The following EVL variants were observed in gnomAD, a reference collection of about 807,000 sequenced individuals.
EVL encodes the protein ena/VASP-like protein.
In EVL, 21 loss-of-function variants were observed where a neutral mutation model predicts 59.6. The ratio of observed to expected loss-of-function variants is 0.35; its 90% CI spans 0.25 to 0.51. The LOEUF is 0.51. Among genes scored for constraint, EVL ranks in the 20% least tolerant of loss-of-function variants. EVL has a pLI of 0.97. For synonymous variants in EVL, 198 were observed against 203.5 expected (o/e 0.97, Z 0.23); for missense variants, 462 against 546.6 (o/e 0.85, Z 1.54).
rs1379774654 is a variant in EVL, at chr14:100,047,114, C to CTTTTTTTTTTTTTTTTTTTTTTTTTTT, written c.6-37572_6-37571insTTTTTTTTTTTTTTTTTTTTTTTTTTT. Reference sequence around the variant, plus strand: ...ATTTTGAGACCTTGGGCAGATCTCTCTCTCTTTTTTTTTTTTTTTTTTTTT... The same window carrying CTTTTTTTTTTTTTTTTTTTTTTTTTTT: ...ATTTTGAGACCTTGGGCAGATCTCTCTTTTTTTTTTTTTTTTTTTTTTTTTTTTCTCTTTTTTTTTTTTTTTTTTTTT... On this transcript the variant is annotated intron_variant, in intron 1 of 13. Transcript: ENST00000402714. Among the ~76,000 whole-genome samples the CTTTTTTTTTTTTTTTTTTTTTTTTTTT allele has an allele frequency of 2.2e-4, 21 of 95,110 alleles. 4 individuals are homozygous for CTTTTTTTTTTTTTTTTTTTTTTTTTTT. Among genetic ancestry groups the CTTTTTTTTTTTTTTTTTTTTTTTTTTT allele is most frequent in the Middle Eastern group, 6.7e-3 (1 of 150 alleles). The allele number at this position is 95,110 out of a possible 152,430, so 62.4% of individuals were successfully genotyped here.
Position 100,046,540 on chromosome 14 carries a change from GC to G in EVL, c.6-38145del, listed in dbSNP as rs544287365. On this transcript the variant is annotated intron_variant, in intron 1 of 13. Coordinates refer to the EVL transcript ENST00000402714. ...AAATCAGCTGCACGTGTTGGCGCTTGCCTGTAATCCCAGCTACTCGGGAGTC... is the reference window on the plus strand; with the variant it reads ...AAATCAGCTGCACGTGTTGGCGCTTGCTGTAATCCCAGCTACTCGGGAGTC... Among the ~76,000 whole-genome samples the G allele has an allele frequency of 4.0e-3, 605 of 152,042 alleles. 3 individuals carry two copies. The highest frequency in any genetic ancestry group is 9.6e-3 in the Admixed American group (147 of 15,270).
In EVL at chr14:100,127,510, C is replaced by T. The variant is rs531105450; in HGVS notation, c.487+739C>T. Among the ~76,000 whole-genome samples, 1 of 152,302 alleles carries T rather than the reference C, an allele frequency of 6.6e-6. No individual in the cohort carries two copies. The highest frequency in any genetic ancestry group is 1.9e-4 in the East Asian group (1 of 5,174). On this transcript the variant is annotated intron_variant, in intron 5 of 13. Transcript: ENST00000392920. This position sits in a 1 kb window ranked among gnomAD's most constrained non-coding sequence, Gnocchi z 4.2. The stretch of plus-strand genomic sequence containing the variant: ...ACCTAGCTGCTGCTGGCCTCCTGCT[C>T]CCCGGCCAGTCTGCATTTCTGATGC...
At chr14:100,074,050 G>C (rs2062108642) in intron 1 of EVL, among the ~76,000 whole-genome samples, 1 of 152,142 alleles carries the variant, frequency 6.6e-6, no homozygotes, top group Non-Finnish European at 1.5e-5. Flanking sequence ...GTAGAGGCTA[G>C]AGGAAAGCAC....
At chr14:100,060,106 G>A (rs1320780167) in intron 1 of EVL, among the ~76,000 whole-genome samples, 7 of 152,194 alleles carry the variant, frequency 4.6e-5, no homozygotes, top group Admixed American at 4.6e-4. Context: ...GAACAAACAG[G>A]AAATCCCAAA....
intron 3 of EVL, among the ~76,000 whole-genome samples, chr14:100,119,553 G>C (rs1387456612): frequency 6.6e-6 from 1 of 152,268 alleles, no homozygotes; most frequent in Non-Finnish European, 1.5e-5. Flanking sequence ...GACCACACCA[G>C]CAAGGCTTGG....
At chr14:100,055,196 TA>T (rs34987173) in intron 1 of EVL, among the ~76,000 whole-genome samples, 2,500 of 139,636 alleles carry the variant, frequency 0.018, 55 homozygotes, top group African/African-American at 0.05. Flanking sequence ...TGAGACTCCT[TA>T]AAAAAAAAAA....
Position 100,028,134 on chromosome 14 carries a change from G to GTTTTTT in EVL, c.5+56089_5+56094dup, listed in dbSNP as rs137903594. The stretch of plus-strand genomic sequence containing the variant: ...CTTTTAGTTGTTTTTTTGTTTGTTT[G>GTTTTTT]TTTTTTTTTTTTTTTTTGAGGAACC... On this transcript the variant is annotated intron_variant, in intron 1 of 13. Transcript: ENST00000402714. Among the ~76,000 whole-genome samples the GTTTTTT allele has an allele frequency of 1.5e-4, 18 of 118,766 alleles. 1 individual carries two copies. The highest frequency in any genetic ancestry group is 5.9e-4 in the South Asian group (2 of 3,404). The allele number at this position is 118,766 out of a possible 152,430, so 77.9% of individuals were successfully genotyped here.
Position 100,097,523 on chromosome 14 carries a change from C to T in EVL, c.223C>T (p.Gln75Ter). Residue 75 changes from glutamine to a stop codon, truncating the protein, a stop_gained, in exon 3 of 14, where the codon CAG becomes TAG. Transcript: ENST00000392920. LOFTEE classifies it high-confidence loss of function. ...AATCGTGAAAGGGCTGAAGTACAAT[C>T]AGGCCACGCCAACCTTCCACCAGTG... is the stretch of plus-strand genomic sequence containing the variant. ...YSIVKGLKYN[Q>*]ATPTFHQWRD... The T allele has an allele frequency of 6.2e-7, 1 of 1,613,564 alleles. No individual in the cohort carries two copies. Among genetic ancestry groups the T allele is most frequent in the Non-Finnish European group, 8.5e-7 (1 of 1,179,774 alleles).
At chr14:100,056,316 A>G (rs1443245835) in intron 1 of EVL, among the ~76,000 whole-genome samples, 4 of 149,924 alleles carry the variant, frequency 2.7e-5, no homozygotes, top group Non-Finnish European at 1.5e-5. Flanking sequence ...ACCCTATTCT[A>G]AGTTTCTCAT....
chr14:100,093,574 G>A (rs956355114), intron 2 of EVL, among the ~76,000 whole-genome samples: 2 of 152,166 alleles, frequency 1.3e-5, no homozygotes, highest in Admixed American at 6.5e-5. Flanking sequence ...GAACAGAAAC[G>A]GCAGGGCCAG....
In EVL at chr14:100,132,713, G is replaced by A. The variant is rs367594850; in HGVS notation, c.840-6G>A. ...TGATCTGTATCTTCCCCTTCTCTGTGCCTAGGAGAAAAGCAGCCTCCCAGT... is the reference window on the plus strand; with the variant it reads ...TGATCTGTATCTTCCCCTTCTCTGTACCTAGGAGAAAAGCAGCCTCCCAGT... On this transcript the variant is annotated splice_region_variant and splice_polypyrimidine_tract_variant and intron_variant, in intron 7 of 13. Coordinates refer to ENST00000392920, the MANE Select transcript of EVL (RefSeq NM_016337.3). The A allele has an allele frequency of 1.6e-4, 255 of 1,614,174 alleles. 1 individual carries two copies. In the African/African-American group the frequency reaches 2.7e-3, roughly 17 times the overall value.
chr14:100,010,462 G>A (rs188056773), intron 1 of EVL, among the ~76,000 whole-genome samples: 2 of 152,228 alleles, frequency 1.3e-5, no homozygotes, highest in East Asian at 1.9e-4. Flanking sequence ...CAACAAGATC[G>A]TGCAGTGGCA....
intron 1 of EVL, among the ~76,000 whole-genome samples, chr14:100,036,311 C>T (rs571985787): frequency 2.6e-5 from 4 of 152,228 alleles, no homozygotes; most frequent in South Asian, 4.2e-4. Context: ...AGTTGGGGAC[C>T]GCTGCTCTAT....
chr14:100,041,167 A>G (rs2061462160), intron 1 of EVL, among the ~76,000 whole-genome samples: 1 of 152,182 alleles, frequency 6.6e-6, no homozygotes, highest in African/African-American at 2.4e-5. Flanking sequence ...TTTTAACTCC[A>G]AACCTAGGAA....
At chr14:100,052,995 G>A (rs890988376) in intron 1 of EVL, 19 of 152,074 alleles carry the variant, frequency 1.2e-4, no homozygotes, top group African/African-American at 4.1e-4. Flanking sequence ...TCACCTGGCA[G>A]AGAGAGAGAG....
chr14:100,076,860 G>A (rs566739504), intron 1 of EVL, among the ~76,000 whole-genome samples: 1 of 152,176 alleles, frequency 6.6e-6, no homozygotes, highest in Non-Finnish European at 1.5e-5. Context: ...CCAGAGCTGG[G>A]ATTATATTGC....
intron 2 of EVL, 30 bp downstream of exon 2, chr14:100,084,885 T>A (rs768447016): frequency 2.7e-5 from 43 of 1,610,624 alleles, no homozygotes; most frequent in Non-Finnish European, 3.3e-5. Context: ...ATTATACCCG[T>A]GAGCCTGCGC....
intron 3 of EVL, among the ~76,000 whole-genome samples, chr14:100,113,799 G>T (rs2140351043): frequency 6.6e-6 from 1 of 152,282 alleles, no homozygotes; most frequent in South Asian, 2.1e-4. Context: ...TCAGGGAGGA[G>T]AGAGGTTTGG....
chr14:100,075,793 A>G (rs2062149313), intron 1 of EVL, among the ~76,000 whole-genome samples: 1 of 152,230 alleles, frequency 6.6e-6, no homozygotes, highest in African/African-American at 2.4e-5. Flanking sequence ...TGTACCCAGC[A>G]TGGTACTGGT....
Sources: allele counts gnomAD v4.1 joint callset (sites outside exome capture counted in the v4.1 genomes callset), GRCh38; gene constraint gnomAD v4.1.1; non-coding constraint Gnocchi (gnomAD v3.1); transcripts MANE v1.5; gene names NCBI Gene and HGNC (gene_info 2026-07-23, HGNC 2026-07-21).